FBLN7: variants seen among roughly 807,000 people sequenced by gnomAD.
FBLN7 encodes the protein fibulin 7, also known as fibulin-7.
Under a neutral mutation model 44.0 loss-of-function variants are expected in FBLN7, and 31 were observed. The observed-to-expected ratio is 0.70, with a 90% confidence interval of 0.53 to 0.95. The LOEUF (loss-of-function observed/expected upper bound fraction) is 0.95, where lower values mean the gene tolerates loss of function less well. FBLN7 is among the 40% of genes least tolerant of loss of function. The pLI is 0.00. For synonymous variants in FBLN7, 262 were observed against 253.4 expected, an observed-to-expected ratio of 1.03 and a Z score of -0.32; for missense variants, 573 against 618.5, an observed-to-expected ratio of 0.93 and a Z score of 0.78.
intron 2 of FBLN7, among the ~76,000 whole-genome samples, chr2:112,160,372 T>C (rs953230241): frequency 6.6e-6 from 1 of 152,186 alleles, no homozygotes; most frequent in Non-Finnish European, 1.5e-5. Flanking sequence ...CCCTTTCTTC[T>C]CCCTCAGCCT....
At chr2:112,236,462 C>T in the FBLN7 span, 2 of 1,475,910 alleles carry the variant, frequency 1.4e-6, no homozygotes, top group South Asian at 1.4e-5. Context: ...GGGATGCTTC[C>T]ACCTCTCCAT....
chr2:112,231,491 A>G, the FBLN7 span, among the ~76,000 whole-genome samples: 2 of 152,168 alleles, frequency 1.3e-5, no homozygotes, highest in African/African-American at 2.4e-5. Flanking sequence ...ATGTTTATAA[A>G]CCCGTAACTT....
chr2:112,173,952 C>T (rs928002738), intron 3 of FBLN7, among the ~76,000 whole-genome samples: 4 of 152,210 alleles, frequency 2.6e-5, no homozygotes, highest in East Asian at 3.9e-4. Context: ...GACAGCTGTG[C>T]GTTTCTCTGC....
chr2:112,187,623 A>C lies in FBLN7; in HGVS notation c.*117A>C. 1 of 1,420,550 alleles carries C rather than the reference A, an allele frequency of 7.0e-7. No individual in the cohort carries two copies. Among genetic ancestry groups the C allele is most frequent in the Non-Finnish European group, 9.6e-7 (1 of 1,047,116 alleles). 88.0% of individuals were successfully genotyped at this position (1,420,550 alleles called of 1,614,324 possible). On this transcript the variant is annotated 3_prime_UTR_variant, in exon 8 of 8. Transcript: ENST00000331203. The surrounding 1 kb of genome is among the most constrained non-coding windows in gnomAD (Gnocchi z 5.1). ...CCTGTTCCCGCCCTCTCACCAGTGC[A>C]CCCAGGCTTCTAGGGCAGCGTTGCA...
intron 2 of FBLN7, among the ~76,000 whole-genome samples, chr2:112,161,820 G>T (rs1681886671): frequency 6.6e-6 from 1 of 152,134 alleles, no homozygotes; most frequent in Non-Finnish European, 1.5e-5. Context: ...TTAAAAAATC[G>T]CCATCATGTA....
intron 5 of FBLN7, among the ~76,000 whole-genome samples, chr2:112,182,231 C>G (rs1683039514): frequency 6.6e-6 from 1 of 152,138 alleles, no homozygotes; most frequent in African/African-American, 2.4e-5. Context: ...GGGCCCGGAG[C>G]TGGGTAGGGG....
chr2:112,225,634 T>C, the FBLN7 span, among the ~76,000 whole-genome samples: 3 of 150,624 alleles, frequency 2.0e-5, no homozygotes, highest in Non-Finnish European at 4.4e-5. Context: ...GTGGCCAACA[T>C]GGTGAAACTT....
the FBLN7 span, among the ~76,000 whole-genome samples, chr2:112,208,315 C>G: frequency 1.3e-5 from 2 of 152,216 alleles, no homozygotes; most frequent in South Asian, 4.1e-4. Flanking sequence ...GCAGGAGAAT[C>G]GCTTGAATCC....
intron 1 of FBLN7, among the ~76,000 whole-genome samples, chr2:112,139,050 C>A (rs1388986704): frequency 1.3e-5 from 1 of 74,088 alleles, no homozygotes; most frequent in East Asian, 4.9e-4. Flanking sequence ...GCCAGCGTCC[C>A]TCCCGCCTCT....
At chr2:112,157,415 T>C (rs1031962609) in intron 1 of FBLN7, among the ~76,000 whole-genome samples, 1 of 151,976 alleles carries the variant, frequency 6.6e-6, no homozygotes, top group African/African-American at 2.4e-5. Flanking sequence ...CATAAGCCTA[T>C]CCCTAAAGAT....
chr2:112,184,284 G>A (rs1041180610), intron 6 of FBLN7, among the ~76,000 whole-genome samples: 1 of 152,230 alleles, frequency 6.6e-6, no homozygotes, highest in African/African-American at 2.4e-5. Context: ...GGAGAAGAGA[G>A]GGCAGAGGGC....
At chr2:112,204,019 AAGACTTTAAATC>A in the FBLN7 span, among the ~76,000 whole-genome samples, 14 of 152,200 alleles carry the variant, frequency 9.2e-5, no homozygotes, top group Non-Finnish European at 1.6e-4. Flanking sequence ...TTACTAGAGA[AAGACTTTAAATC>A]AGCTATTATA....
At chr2:112,204,343 T>C in the FBLN7 span, among the ~76,000 whole-genome samples, 1 of 150,116 alleles carries the variant, frequency 6.7e-6, no homozygotes, top group African/African-American at 2.4e-5. Context: ...TATCAATATA[T>C]GTATAATAAG....
intron 1 of FBLN7, among the ~76,000 whole-genome samples, chr2:112,155,601 C>T (rs571862777): frequency 3.3e-5 from 5 of 152,212 alleles, no homozygotes; most frequent in East Asian, 3.9e-4. Context: ...CCGCCTGGGA[C>T]GGAGATGCAG....
the FBLN7 span, among the ~76,000 whole-genome samples, chr2:112,240,726 A>T: frequency 1.3e-5 from 2 of 152,236 alleles, no homozygotes; most frequent in Admixed American, 6.5e-5. Context: ...TTCTTTTCAG[A>T]GGGCATTGAA....
the FBLN7 span, among the ~76,000 whole-genome samples, chr2:112,219,756 G>A: frequency 6.6e-6 from 1 of 151,966 alleles, no homozygotes; most frequent in Non-Finnish European, 1.5e-5. Flanking sequence ...GTTTTTGGGT[G>A]GAGAGTTCTG....
Position 112,185,061 on chromosome 2 carries a change from G to A in FBLN7, c.809-140G>A, listed in dbSNP as rs192027397. 79 of 1,181,326 alleles carry A rather than the reference G, an allele frequency of 6.7e-5. No individual in the cohort carries two copies. In the East Asian group the frequency reaches 1.8e-3, roughly 28 times the overall value. The allele number at this position is 1,181,326 out of a possible 1,614,324, so 73.2% of individuals were successfully genotyped here. A position where few individuals can be genotyped will look rare whatever the true frequency, so the allele number is the denominator to read the frequency against. On this transcript the variant is annotated intron_variant, in intron 6 of 7. Coordinates refer to ENST00000331203, the MANE Select transcript of FBLN7 (RefSeq NM_153214.3). ...GCCCTGATTCCACACAGTTAAGGAA[G>A]GCAGGCTTTCTGCTTTAAGAATAAG...
the FBLN7 span, among the ~76,000 whole-genome samples, chr2:112,197,380 G>C: frequency 6.6e-6 from 1 of 151,538 alleles, no homozygotes; most frequent in Non-Finnish European, 1.5e-5. Flanking sequence ...CACAGCAAAG[G>C]GATGCTGAGA....
chr2:112,163,540 G>A (rs991189866), intron 2 of FBLN7, among the ~76,000 whole-genome samples: 4 of 152,232 alleles, frequency 2.6e-5, no homozygotes, highest in African/African-American at 9.6e-5. Context: ...GCAAAAAGAA[G>A]AGGAACAGGC....
Sources: gnomAD v4.1 joint callset for allele counts (sites outside exome capture counted in the v4.1 genomes callset) on GRCh38, gnomAD v4.1.1 for gene constraint, Gnocchi (gnomAD v3.1) non-coding constraint, MANE v1.5 for transcripts, NCBI Gene and HGNC (gene_info 2026-07-23, HGNC 2026-07-21) for gene names.